Variants in PRKAR1B observed in about 807,000 individuals in gnomAD.
PRKAR1B encodes the protein protein kinase cAMP-dependent type I regulatory subunit beta.
In PRKAR1B, 22 loss-of-function variants were observed where a neutral mutation model predicts 46.5. The observed-to-expected ratio is 0.47, with a 90% CI of 0.34 to 0.68. The LOEUF (loss-of-function observed/expected upper bound fraction) is 0.68, where lower values mean the gene tolerates loss of function less well. PRKAR1B is among the 30% of genes least tolerant of loss of function. The pLI, the probability that PRKAR1B is intolerant of heterozygous loss-of-function variation, is 0.01. For missense variants in PRKAR1B, 445 were observed against 535.6 expected (o/e 0.83, Z 1.67); for synonymous variants, 259 against 217.7 (o/e 1.19, Z -1.67).
rs374619543 is a variant in PRKAR1B at position 631,787 on chromosome 7, TA to T, written c.441-24336del. On this transcript the variant is annotated intron_variant, in intron 4 of 10. Coordinates refer to ENST00000537384, the MANE Select transcript of PRKAR1B (RefSeq NM_001164760.2). ...GCCAACATAGAGAGACCCCCATCTC[TA>T]AAAAAAAAAAAATTGGAAATTAGCC... is the stretch of plus-strand genomic sequence containing the variant. Among the ~76,000 whole-genome samples, 380 of 143,300 alleles carry T rather than the reference TA, an allele frequency of 2.7e-3. 2 individuals carry two copies. The highest frequency in any genetic ancestry group is 6.8e-3 in the African/African-American group (264 of 38,976). The allele number at this position is 143,300 out of a possible 152,430, so 94.0% of individuals were successfully genotyped here. A position where few individuals can be genotyped will look rare whatever the true frequency, so the allele number is the denominator to read the frequency against.
chr7:632,405 A>T (rs554798775), intron 4 of PRKAR1B, among the ~76,000 whole-genome samples: 1 of 151,918 alleles, frequency 6.6e-6, no homozygotes, highest in Non-Finnish European at 1.5e-5. Flanking sequence ...CTGCCCCCCA[A>T]CACAGCCCCC....
chr7:570,108 C>G (rs1779408439), intron 9 of PRKAR1B, among the ~76,000 whole-genome samples: 1 of 152,260 alleles, frequency 6.6e-6, no homozygotes, highest in Admixed American at 6.5e-5. Context: ...ACAGTGACCG[C>G]TGGGCAGAGG....
chr7:676,591 C>G (rs76019080), intron 4 of PRKAR1B, among the ~76,000 whole-genome samples: 13,814 of 152,284 alleles, frequency 0.091, 821 homozygotes, highest in South Asian at 0.21. Context: ...GGAAGGCAGC[C>G]GGGCCTTCCC....
intron 4 of PRKAR1B, among the ~76,000 whole-genome samples, chr7:657,546 A>G (rs1047323783): frequency 6.6e-5 from 10 of 152,318 alleles, no homozygotes; most frequent in African/African-American, 2.2e-4. Flanking sequence ...TCACCGTTAG[A>G]AAATACAAAG....
chr7:612,589 G>C (rs1350838396), intron 4 of PRKAR1B, among the ~76,000 whole-genome samples: 1 of 152,186 alleles, frequency 6.6e-6, no homozygotes, highest in Middle Eastern at 3.2e-3. Context: ...ATGATGGATG[G>C]GTGGCTATTA....
Position 550,617 on chromosome 7 carries a change from G to A in PRKAR1B, c.974-15C>T. ...TGCAATCTCCCCTGGGGGTTGAAGA[G>A]AGAGGTCAGGGCTGGGCCTGGGGGT... On this transcript the variant is annotated splice_polypyrimidine_tract_variant and intron_variant, in intron 10 of 10. Transcript: ENST00000537384. 6.5e-7 allele frequency: 1 copy of A among 1,541,720 alleles called. No homozygotes were observed. The highest frequency in any genetic ancestry group is 1.3e-5 in the South Asian group (1 of 79,138).
intron 4 of PRKAR1B, among the ~76,000 whole-genome samples, chr7:613,721 C>G (rs994252720): frequency 6.6e-6 from 1 of 152,242 alleles, no homozygotes; most frequent in South Asian, 2.1e-4. Flanking sequence ...AAGCCACGAC[C>G]AGGCCCACCT....
chr7:625,303 A>G (rs776740061), intron 4 of PRKAR1B, among the ~76,000 whole-genome samples: 7 of 152,242 alleles, frequency 4.6e-5, no homozygotes, highest in Non-Finnish European at 8.8e-5. Flanking sequence ...TGCATATATT[A>G]GGAAAAGATC....
At chr7:719,041 A>AT (rs1241511209) in intron 1 of PRKAR1B, among the ~76,000 whole-genome samples, 3 of 143,402 alleles carry the variant, frequency 2.1e-5, no homozygotes, top group African/African-American at 7.8e-5. Context: ...CCAGCTTATT[A>AT]TTTTTTCTTT....
intron 4 of PRKAR1B, among the ~76,000 whole-genome samples, chr7:619,259 G>C (rs1312853842): frequency 6.6e-6 from 1 of 152,154 alleles, no homozygotes; most frequent in South Asian, 2.1e-4. Context: ...CAGCCCTCAG[G>C]GGGAACCAGC....
At chr7:592,330 A>G (rs1021161549) in intron 7 of PRKAR1B, among the ~76,000 whole-genome samples, 1 of 152,226 alleles carries the variant, frequency 6.6e-6, no homozygotes, top group South Asian at 2.1e-4. Flanking sequence ...CGAGGCTACA[A>G]GTGACAAACT....
intron 2 of PRKAR1B, among the ~76,000 whole-genome samples, chr7:693,495 T>C (rs1181782237): frequency 6.6e-6 from 1 of 151,178 alleles, no homozygotes; most frequent in Non-Finnish European, 1.5e-5. Flanking sequence ...AGAAGCGGAA[T>C]TGCGCAGCAT....
intron 9 of PRKAR1B, among the ~76,000 whole-genome samples, chr7:570,374 CG>C (rs1041811868): frequency 6.6e-6 from 1 of 152,168 alleles, no homozygotes; most frequent in Non-Finnish European, 1.5e-5. Context: ...TCAAGGAGCT[CG>C]GGGGGCCTGG....
chr7:679,515 GC>G (rs1427538870), intron 3 of PRKAR1B, among the ~76,000 whole-genome samples: 3 of 152,242 alleles, frequency 2.0e-5, no homozygotes, highest in African/African-American at 7.2e-5. Flanking sequence ...TTTTAACAAT[GC>G]TTGCGCTAGC....
intron 6 of PRKAR1B, among the ~76,000 whole-genome samples, chr7:604,809 T>C (rs1781911247): frequency 6.6e-6 from 1 of 152,140 alleles, no homozygotes; most frequent in Admixed American, 6.5e-5. Flanking sequence ...TGGCGTTGCC[T>C]GCACGGAAGA....
chr7:719,177 T>A (rs1455132607), intron 1 of PRKAR1B, among the ~76,000 whole-genome samples: 1 of 151,342 alleles, frequency 6.6e-6, no homozygotes, highest in Non-Finnish European at 1.5e-5. Context: ...GTAGGTGGGA[T>A]TACAGGTGCC....
intron 7 of PRKAR1B, among the ~76,000 whole-genome samples, chr7:595,204 G>C (rs1418462798): frequency 6.6e-6 from 1 of 152,218 alleles, no homozygotes; most frequent in Non-Finnish European, 1.5e-5. Context: ...GCCCAGCCCT[G>C]TGCTGCTGTT....
intron 4 of PRKAR1B, among the ~76,000 whole-genome samples, chr7:638,060 T>C (rs2128483459): frequency 6.6e-6 from 1 of 152,330 alleles, no homozygotes; most frequent in East Asian, 1.9e-4. Context: ...GGCAGGACCC[T>C]GTGCCCACCT....
rs571520207 is a variant in PRKAR1B, at chr7:713,585, C to G, written c.-22-2058G>C. ...TCCACACTCACGTATACACACTCAC[C>G]GTCTCCCAGTCAGCCCTCCCATGCT... On this transcript the variant is annotated intron_variant, in intron 1 of 10. Coordinates refer to ENST00000537384, the MANE Select transcript of PRKAR1B (RefSeq NM_001164760.2). 1.8e-3 allele frequency among the ~76,000 whole-genome samples: 279 copies of G among 151,980 alleles called. 3 individuals are homozygous for G. Among genetic ancestry groups the G allele is most frequent in the Admixed American group, 5.0e-3 (77 of 15,264 alleles).
Sources: gnomAD v4.1 joint callset for allele counts (sites outside exome capture counted in the v4.1 genomes callset) on GRCh38, gnomAD v4.1.1 for gene constraint, MANE v1.5 for transcripts, NCBI Gene and HGNC (gene_info 2026-07-23, HGNC 2026-07-21) for gene names.